The following AQP7B variants were observed in gnomAD, a reference collection of about 807,000 sequenced individuals.
The protein encoded by AQP7B is putative aquaporin-7B.
the AQP7B span, among the ~76,000 whole-genome samples, chr2:94,596,488 G>A: frequency 1.3e-5 from 2 of 152,176 alleles, no homozygotes; most frequent in African/African-American, 4.8e-5. Context: ...GAGCTCAAGG[G>A]AGAGAGGAAA....
the AQP7B span, chr2:94,602,356 G>A: frequency 1.2e-6 from 1 of 838,914 alleles, no homozygotes; most frequent in African/African-American, 1.7e-5. Context: ...GGAGGAAGAG[G>A]GCGTGGCAGA....
the AQP7B span, chr2:94,604,239 C>A: frequency 2.0e-6 from 3 of 1,521,004 alleles, no homozygotes; most frequent in Non-Finnish European, 2.7e-6. Flanking sequence ...GATGAGGGTG[C>A]TGTCCTGGGC....
At chr2:94,601,369 C>A in the AQP7B span, among the ~76,000 whole-genome samples, 10 of 152,202 alleles carry the variant, frequency 6.6e-5, no homozygotes, top group African/African-American at 2.4e-4. Context: ...GAGCCTGAGA[C>A]GCCCACGGAA....
the AQP7B span, among the ~76,000 whole-genome samples, chr2:94,591,473 C>G: frequency 6.6e-5 from 10 of 152,156 alleles, no homozygotes; most frequent in South Asian, 2.1e-4. Flanking sequence ...CACCACTTCT[C>G]CACCCATCTG....
the AQP7B span, among the ~76,000 whole-genome samples, chr2:94,594,128 A>G: frequency 6.6e-6 from 1 of 152,000 alleles, no homozygotes; most frequent in East Asian, 1.9e-4. Flanking sequence ...TCATTCATTC[A>G]CTCACTCTCT....
the AQP7B span, among the ~76,000 whole-genome samples, chr2:94,590,655 G>T: frequency 8.5e-5 from 13 of 152,100 alleles, no homozygotes; most frequent in Admixed American, 8.5e-4. Flanking sequence ...CAAAGGGTTA[G>T]TAAGCCACCG....
the AQP7B span, among the ~76,000 whole-genome samples, chr2:94,600,766 C>A: frequency 6.6e-6 from 1 of 151,850 alleles, no homozygotes; most frequent in Non-Finnish European, 1.5e-5. Context: ...ACAATCTCAA[C>A]TACTCGGGAG....
At chr2:94,598,783 A>G in the AQP7B span, among the ~76,000 whole-genome samples, 1 of 152,172 alleles carries the variant, frequency 6.6e-6, no homozygotes, top group African/African-American at 2.4e-5. Flanking sequence ...TGTGGGGTTC[A>G]TTCACTCACC....
the AQP7B span, among the ~76,000 whole-genome samples, chr2:94,598,483 G>A: frequency 7.9e-5 from 12 of 152,278 alleles, no homozygotes; most frequent in South Asian, 2.3e-3. Flanking sequence ...TGAGACACGG[G>A]GCAAGGGTTG....
the AQP7B span, among the ~76,000 whole-genome samples, chr2:94,598,211 C>CT: frequency 4.0e-5 from 6 of 151,848 alleles, no homozygotes; most frequent in East Asian, 1.9e-4. Flanking sequence ...GAAGTGAGGG[C>CT]TTTTTTTTAA....
At chr2:94,593,134 T>C in the AQP7B span, among the ~76,000 whole-genome samples, 1 of 152,066 alleles carries the variant, frequency 6.6e-6, no homozygotes, top group African/African-American at 2.4e-5. Context: ...ACTGAGCAAT[T>C]ACTATGCATT....
At chr2:94,592,559 A>G in the AQP7B span, among the ~76,000 whole-genome samples, 1 of 151,966 alleles carries the variant, frequency 6.6e-6, no homozygotes, top group Non-Finnish European at 1.5e-5. Context: ...GACCCTACCA[A>G]TGCAAGCAGC....
At chr2:94,599,481 G>C in the AQP7B span, among the ~76,000 whole-genome samples, 3 of 151,820 alleles carry the variant, frequency 2.0e-5, no homozygotes, top group Non-Finnish European at 2.9e-5. Context: ...TTGATCTGCT[G>C]CTTGATAGGT....
At chr2:94,592,167 G>T in the AQP7B span, among the ~76,000 whole-genome samples, 2 of 152,120 alleles carry the variant, frequency 1.3e-5, no homozygotes, top group African/African-American at 2.4e-5. Flanking sequence ...CTCTTCTGTG[G>T]TTACCTCCAG....
the AQP7B span, among the ~76,000 whole-genome samples, chr2:94,601,584 G>A: frequency 5.9e-5 from 9 of 152,240 alleles, no homozygotes; most frequent in Non-Finnish European, 1.3e-4. Flanking sequence ...GCCAGATTGA[G>A]GAGGGGGTGC....
At chr2:94,587,602 T>C in the AQP7B span, among the ~76,000 whole-genome samples, 1 of 152,118 alleles carries the variant, frequency 6.6e-6, no homozygotes, top group Non-Finnish European at 1.5e-5. Flanking sequence ...CACAGGCACA[T>C]ACACCTTCTC....
chr2:94,603,617 C>T, the AQP7B span: 149 of 1,309,814 alleles, frequency 1.1e-4, 1 homozygote, highest in East Asian at 1.7e-3. Context: ...TGTACTGAGA[C>T]GTCTCTCTGC....
chr2:94,598,257 G>T, the AQP7B span, among the ~76,000 whole-genome samples: 5 of 152,194 alleles, frequency 3.3e-5, no homozygotes, highest in African/African-American at 1.2e-4. Context: ...AGTCACCAGG[G>T]TGAAGGTTTT....
the AQP7B span, among the ~76,000 whole-genome samples, chr2:94,592,243 C>T: frequency 1.3e-4 from 20 of 152,266 alleles, no homozygotes; most frequent in East Asian, 3.7e-3. Context: ...AGAGCAGCAG[C>T]ATTCCTCAGG....
Sources: allele counts gnomAD v4.1 joint callset (sites outside exome capture counted in the v4.1 genomes callset), GRCh38; gene constraint gnomAD v4.1.1; transcripts MANE v1.5; gene names NCBI Gene and HGNC (gene_info 2026-07-23, HGNC 2026-07-21).